Variants in EWSR1 observed in about 807,000 individuals in gnomAD.
EWSR1 encodes the protein EWS RNA binding protein 1.
In EWSR1, 14 loss-of-function variants were observed where a neutral mutation model predicts 92.1. The observed-to-expected ratio is 0.15, with a 90% CI of 0.10 to 0.24. The LOEUF (loss-of-function observed/expected upper bound fraction) is 0.24, where lower values mean the gene tolerates loss of function less well. EWSR1 is among the 10% of genes least tolerant of loss of function. EWSR1 has a pLI of 1.00. For synonymous variants in EWSR1, 303 were observed against 292.9 expected (o/e 1.03, Z -0.35); for missense variants, 637 against 870.9 (o/e 0.73, Z 3.38).
intron 1 of EWSR1, among the ~76,000 whole-genome samples, chr22:29,268,956 G>C (rs1023136375): frequency 3.9e-5 from 6 of 152,224 alleles, no homozygotes; most frequent in African/African-American, 1.2e-4. Flanking sequence ...CCGAACTTCT[G>C]CTCGCCTGGG....
In EWSR1 at chr22:29,298,772, G is replaced by T. The variant is rs768226495; in HGVS notation, c.1457G>T (p.Arg486Leu). 1.2e-6 allele frequency: 2 copies of T among 1,613,564 alleles called. No individual in the cohort carries two copies. The highest frequency in any genetic ancestry group is 2.2e-5 in the East Asian group (1 of 44,842). Residue 486 changes from arginine (R) to leucine (L), a missense_variant, in exon 14 of 17, where the codon CGC becomes CTC. By Grantham distance (102) the Arg-to-Leu change is moderately radical. This residue lies in a region of EWSR1 where 363 missense variants were observed against 447.8 expected (regional missense o/e 0.81). Transcript: ENST00000397938. ...GGAGGTCCTGGGGGACCCATGGGTC[G>T]CATGGGAGGCCGTGGAGGAGATAGA... ...GPGGPGGPMG[R>L]MGGRGGDRGG...
intron 4 of EWSR1, chr22:29,275,918 TG>T (rs1158074327): frequency 3.8e-5 from 7 of 185,338 alleles, no homozygotes; most frequent in Admixed American, 8.3e-5. Context: ...ACTGGTCTTT[TG>T]TTTTTTTGTT....
chr22:29,280,797 CT>C (rs2059507261), intron 5 of EWSR1, among the ~76,000 whole-genome samples: 1 of 146,530 alleles, frequency 6.8e-6, no homozygotes, highest in African/African-American at 2.5e-5. Context: ...CCTCAGCCTC[CT>C]GAGTAGCTGG....
At chr22:29,274,564 T>C (rs2058953889) in intron 4 of EWSR1, 1 of 411,870 alleles carries the variant, frequency 2.4e-6, no homozygotes. Context: ...TCTCCCCAGC[T>C]GATTTTCCCC....
At chr22:29,269,622 G>C (rs1452071267) in intron 1 of EWSR1, 3 of 152,202 alleles carry the variant, frequency 2.0e-5, no homozygotes, top group Non-Finnish European at 4.4e-5. Flanking sequence ...AGCAACTTAA[G>C]GACAGTTTAA....
intron 15 of EWSR1, 90 bp downstream of exon 15, chr22:29,299,421 T>C: frequency 2.0e-6 from 3 of 1,530,260 alleles, no homozygotes; most frequent in Non-Finnish European, 2.6e-6. Flanking sequence ...AGTTGCCCTC[T>C]GCTTAACAAC....
chr22:29,275,935 G>GTTTT, intron 4 of EWSR1: 2 of 214,340 alleles, frequency 9.3e-6, no homozygotes, highest in Non-Finnish European at 1.8e-5. Flanking sequence ...TTGTTTTTTT[G>GTTTT]TTTTTTTTTT....
intron 4 of EWSR1, chr22:29,276,761 C>T (rs2059154202): frequency 8.6e-6 from 2 of 231,350 alleles, no homozygotes; most frequent in Non-Finnish European, 8.6e-6. Flanking sequence ...AGCAGTCCAC[C>T]CACCTCAGCC....
At chr22:29,296,886 TAC>T (rs1349551852) in intron 12 of EWSR1, among the ~76,000 whole-genome samples, 1 of 151,792 alleles carries the variant, frequency 6.6e-6, no homozygotes, top group Non-Finnish European at 1.5e-5. Context: ...ACAAAAAAAA[TAC>T]AAAAATTAGC....
At chr22:29,281,101 G>A (rs1247414701) in intron 5 of EWSR1, among the ~76,000 whole-genome samples, 7 of 151,728 alleles carry the variant, frequency 4.6e-5, no homozygotes, top group East Asian at 1.9e-4. Context: ...GGATAGTCTC[G>A]ATCTCCTGAC....
In EWSR1 at chr22:29,299,270, G is replaced by A. The variant is rs1569125400; in HGVS notation, c.1617G>A (p.Glu539=). 1.9e-6 allele frequency: 3 copies of A among 1,614,070 alleles called. No individual in the cohort carries two copies. Among genetic ancestry groups the A allele is most frequent in the Admixed American group, 1.7e-5 (1 of 60,022 alleles). Reference sequence around the variant, plus strand: ...ACCAGAACTTCGCCTGGAGAACAGAGTGCAACCAGTGTAAGGCCCCAAAGC... The same window carrying A: ...ACCAGAACTTCGCCTGGAGAACAGAATGCAACCAGTGTAAGGCCCCAAAGC... ...CGNQNFAWRT[E]CNQCKAPKPE... Residue 539 remains glutamate, a synonymous_variant, in exon 15 of 17, where the codon GAG becomes GAA. Coordinates refer to ENST00000397938, the MANE Select transcript of EWSR1 (RefSeq NM_005243.4).
intron 12 of EWSR1, among the ~76,000 whole-genome samples, chr22:29,296,589 GCAAACACTTCCT>G (rs2060879797): frequency 6.6e-6 from 1 of 152,160 alleles, no homozygotes; most frequent in Non-Finnish European, 1.5e-5. Flanking sequence ...GCTTAAAGTG[GCAAACACTTCCT>G]AAGCACAGAT....
chr22:29,274,302 T>G, intron 4 of EWSR1: 1 of 1,613,600 alleles, frequency 6.2e-7, no homozygotes, highest in Non-Finnish European at 8.5e-7. Flanking sequence ...TCCTGCTCAT[T>G]CTTGCATGGG....
intron 6 of EWSR1, 94 bp from the exon 7 acceptor site, chr22:29,286,829 C>T (rs1257094861): frequency 2.3e-6 from 2 of 867,836 alleles, no homozygotes; most frequent in East Asian, 2.5e-5. Context: ...ATGTCTGTGT[C>T]ACATGGTGTG....
chr22:29,277,791 T>G, intron 4 of EWSR1: 2 of 467,428 alleles, frequency 4.3e-6, no homozygotes, highest in Non-Finnish European at 3.8e-6. Flanking sequence ...TGACATGCCA[T>G]TTCTGTTAGG....
chr22:29,274,632 C>G (rs1339028783), intron 4 of EWSR1, among the ~76,000 whole-genome samples: 4 of 152,134 alleles, frequency 2.6e-5, no homozygotes, highest in Admixed American at 6.5e-5. Context: ...GACTGCCACC[C>G]TGCATGTATC....
chr22:29,280,742 C>T (rs775577263), intron 5 of EWSR1, among the ~76,000 whole-genome samples: 2 of 149,978 alleles, frequency 1.3e-5, no homozygotes, highest in African/African-American at 4.9e-5. Flanking sequence ...GGCACAATCT[C>T]GGCTCGCTGG....
intron 7 of EWSR1, 95 bp from the exon 8 acceptor site, chr22:29,288,511 C>T (rs755299307): frequency 4.0e-6 from 5 of 1,248,204 alleles, no homozygotes; most frequent in Non-Finnish European, 5.6e-6. Flanking sequence ...TTGGTTAGTG[C>T]CTTGGAATTG....
In EWSR1 at chr22:29,278,077, G is replaced by C. The variant is rs759489827; in HGVS notation, c.274G>C (p.Gly92Arg). The stretch of plus-strand genomic sequence containing the variant: ...CCAGGCATACAGCCAGCCTGTCCAG[G>C]GGTATGGCACTGGTGCTTATGATAC... ...APQAYSQPVQ[G>R]YGTGAYDTTT... Residue 92 changes from glycine (G) to arginine (R), a missense_variant, in exon 5 of 17, where the codon GGG (glycine) becomes CGG (arginine). Gly to Arg is a moderately radical substitution (Grantham distance 125). Coordinates refer to ENST00000397938, the MANE Select transcript of EWSR1 (RefSeq NM_005243.4). 1.2e-6 allele frequency: 2 copies of C among 1,614,018 alleles called. No homozygotes were observed.
Sources: allele counts gnomAD v4.1 joint callset (sites outside exome capture counted in the v4.1 genomes callset), GRCh38; gene constraint gnomAD v4.1.1; regional missense constraint gnomAD v4.1.1; transcripts MANE v1.5; gene names NCBI Gene and HGNC (gene_info 2026-07-23, HGNC 2026-07-21).